Variants in MCPH1 observed in about 807,000 individuals in gnomAD.
MCPH1 encodes microcephalin 1.
MCPH1 carries 104 observed loss-of-function variants against 84.5 expected under a neutral mutation model. The ratio of observed to expected loss-of-function variants is 1.23; its 90% CI spans 1.05 to 1.45. The LOEUF (loss-of-function observed/expected upper bound fraction) is 1.45, where lower values mean the gene tolerates loss of function less well. MCPH1 is among the 40% of genes most tolerant of loss of function. MCPH1 has a pLI of 0.00. For missense variants in MCPH1, 1,498 were observed against 1,005.7 expected, an observed-to-expected ratio of 1.49 and a Z score of -6.62; for synonymous variants, 514 against 366.8, an observed-to-expected ratio of 1.40 and a Z score of -4.58.
chr8:6,459,007 T>C lies in MCPH1; in HGVS notation c.1935+3755T>C, dbSNP rs9644412. Among the ~76,000 whole-genome samples the C allele has an allele frequency of 1.2e-3, 181 of 152,286 alleles. 2 individuals are homozygous for C. The East Asian group carries it at 0.029, about 24-fold the overall frequency. On this transcript the variant is annotated intron_variant, in intron 9 of 13. Coordinates refer to ENST00000344683, the MANE Select transcript of MCPH1 (RefSeq NM_024596.5). ...AGTTTGAGATCTTTTGATATGAGCA[T>C]GGGGAGAGAAGTTTATGTTGATATG...
At chr8:6,627,683 C>G (rs572655589) in intron 13 of MCPH1, among the ~76,000 whole-genome samples, 1 of 152,084 alleles carries the variant, frequency 6.6e-6, no homozygotes, top group African/African-American at 2.4e-5. Flanking sequence ...TTGAGCCCAG[C>G]AGCTCGAGTC....
intron 12 of MCPH1, chr8:6,500,799 C>T (rs1247403414): frequency 6.6e-6 from 1 of 152,128 alleles, no homozygotes; most frequent in African/African-American, 2.4e-5. Flanking sequence ...AACACAAATT[C>T]CCCCCATTCT....
chr8:6,628,469 CAAAAAAAAA>C (rs34188003), intron 13 of MCPH1, among the ~76,000 whole-genome samples: 935 of 41,656 alleles, frequency 0.022, 29 homozygotes, highest in African/African-American at 0.065. Context: ...GACTCTGTCT[CAAAAAAAAA>C]AAAAAAAAAA....
At chr8:6,484,866 G>A (rs1020115721) in intron 11 of MCPH1, among the ~76,000 whole-genome samples, 1 of 152,192 alleles carries the variant, frequency 6.6e-6, no homozygotes, top group Non-Finnish European at 1.5e-5. Flanking sequence ...TAAGGTGGGA[G>A]TAGCATCTGC....
At chr8:6,624,380 C>T (rs935197740) in intron 13 of MCPH1, among the ~76,000 whole-genome samples, 3 of 152,208 alleles carry the variant, frequency 2.0e-5, no homozygotes, top group African/African-American at 7.2e-5. Context: ...CCTCACTCGC[C>T]GGCCACCAGA....
chr8:6,532,227 G>T, intron 12 of MCPH1: 3 of 1,292,250 alleles, frequency 2.3e-6, no homozygotes, highest in Admixed American at 2.1e-5. Flanking sequence ...TCCTGTGGTG[G>T]TGCTTTCTTT....
chr8:6,611,998 G>T (rs544767977), intron 12 of MCPH1, among the ~76,000 whole-genome samples: 61 of 152,292 alleles, frequency 4.0e-4, no homozygotes, highest in African/African-American at 1.5e-3. Context: ...CCCAGACCTT[G>T]CGGGGGTGGG....
At chr8:6,477,096 A>G (rs1032426477) in intron 9 of MCPH1, among the ~76,000 whole-genome samples, 1 of 152,142 alleles carries the variant, frequency 6.6e-6, no homozygotes, top group Non-Finnish European at 1.5e-5. Flanking sequence ...AGCAGATGTC[A>G]ATAGAACAAA....
chr8:6,618,708 A>C (rs930066497), intron 12 of MCPH1: 2 of 152,160 alleles, frequency 1.3e-5, no homozygotes, highest in African/African-American at 2.4e-5. Context: ...GATTATTTAA[A>C]ATTATTATTA....
intron 8 of MCPH1, among the ~76,000 whole-genome samples, chr8:6,449,669 T>A (rs1298892363): frequency 6.6e-6 from 1 of 152,002 alleles, no homozygotes; most frequent in Non-Finnish European, 1.5e-5. Flanking sequence ...GGAAATTCCC[T>A]TTGCTCTTGC....
intron 12 of MCPH1, among the ~76,000 whole-genome samples, chr8:6,516,327 T>C (rs773470058): frequency 2.4e-4 from 36 of 152,232 alleles, no homozygotes; most frequent in Non-Finnish European, 4.3e-4. Context: ...TGCTGTAGTA[T>C]CATAATTCTG....
At chr8:6,411,655 C>T (rs975024630) in intron 2 of MCPH1, among the ~76,000 whole-genome samples, 14 of 152,098 alleles carry the variant, frequency 9.2e-5, no homozygotes, top group African/African-American at 2.4e-4. Context: ...AGCCACAGTG[C>T]GTGATTTTTA....
At chr8:6,555,223 T>C (rs1824381152) in intron 12 of MCPH1, among the ~76,000 whole-genome samples, 1 of 152,232 alleles carries the variant, frequency 6.6e-6, no homozygotes, top group African/African-American at 2.4e-5. Flanking sequence ...CTGTAGAATG[T>C]GAGATGGACA....
intron 3 of MCPH1, among the ~76,000 whole-genome samples, chr8:6,428,814 C>T (rs1801435996): frequency 6.6e-6 from 1 of 152,250 alleles, no homozygotes; most frequent in Admixed American, 6.5e-5. Context: ...ACAATGGTCT[C>T]TTTCTTGACC....
intron 13 of MCPH1, chr8:6,642,702 C>T (rs1261113325): frequency 2.1e-6 from 1 of 475,502 alleles, no homozygotes; most frequent in Non-Finnish European, 3.9e-6. Flanking sequence ...CCCACCCTGC[C>T]CACTGAGTGT....
At chr8:6,637,128 C>A (rs571476617) in intron 13 of MCPH1, among the ~76,000 whole-genome samples, 1 of 152,356 alleles carries the variant, frequency 6.6e-6, no homozygotes, top group East Asian at 1.9e-4. Context: ...ATATTTCCTA[C>A]ACACTCGTCA....
intron 13 of MCPH1, chr8:6,634,771 C>G (rs1156234496): frequency 6.6e-6 from 1 of 152,210 alleles, no homozygotes; most frequent in Non-Finnish European, 1.5e-5. Context: ...AGCTGAAATT[C>G]TCATCAAAGA....
chr8:6,535,774 G>A (rs1047115526), intron 12 of MCPH1, among the ~76,000 whole-genome samples: 2 of 152,098 alleles, frequency 1.3e-5, no homozygotes, highest in East Asian at 1.9e-4. Context: ...TGAGCCAGTC[G>A]TGATGGCTCA....
At chr8:6,502,170 G>C (rs552027714) in intron 12 of MCPH1, 3 of 152,184 alleles carry the variant, frequency 2.0e-5, no homozygotes, top group Non-Finnish European at 4.4e-5. Context: ...CTTTGTCATA[G>C]AATGAAATGT....
Sources: allele counts gnomAD v4.1 joint callset (sites outside exome capture counted in the v4.1 genomes callset), GRCh38; gene constraint gnomAD v4.1.1; transcripts MANE v1.5; gene names NCBI Gene and HGNC (gene_info 2026-07-23, HGNC 2026-07-21).